Variants in PDK1 observed in about 807,000 individuals in gnomAD.
The protein encoded by PDK1 is pyruvate dehydrogenase kinase 1.
A neutral mutation model predicts 54.2 loss-of-function variants in PDK1; 39 were observed. The ratio of observed to expected loss-of-function variants is 0.72; its 90% CI spans 0.56 to 0.94. The LOEUF (loss-of-function observed/expected upper bound fraction) is 0.94. PDK1 is among the 40% of genes least tolerant of loss of function. The pLI is 0.00. For synonymous variants in PDK1, 221 were observed against 207.1 expected (o/e 1.07, Z -0.58); for missense variants, 552 against 566.0 (o/e 0.98, Z 0.25).
chr2:172,623,109 C>T, the PDK1 span, among the ~76,000 whole-genome samples: 1 of 151,246 alleles, frequency 6.6e-6, no homozygotes, highest in African/African-American at 2.4e-5. Flanking sequence ...GAGATCATGC[C>T]ACTGCACTCC....
Position 172,556,189 on chromosome 2 carries a change from C to CCG in PDK1, c.39_40insCG (p.Gly14ArgfsTer47). ...GGCTGCTTCGCGGAGCCGCCTTGGCCGGCCCGGGCCCGGGGCTGCGCGCCG... is the reference window on the plus strand; with the variant it reads ...GGCTGCTTCGCGGAGCCGCCTTGGCCCGGGCCCGGGCCCGGGGCTGCGCGCCG... On this transcript the variant is annotated frameshift_variant, in exon 1 of 11. Transcript: ENST00000282077. LOFTEE classifies it high-confidence loss of function. The CCG allele has an allele frequency of 7.0e-7, 1 of 1,418,784 alleles. No individual in the cohort carries two copies. The highest frequency in any genetic ancestry group is 9.1e-7 in the Non-Finnish European group (1 of 1,093,404). The allele number at this position is 1,418,784 out of a possible 1,614,324, so 87.9% of individuals were successfully genotyped here.
the PDK1 span, among the ~76,000 whole-genome samples, chr2:172,681,489 G>A: frequency 6.6e-6 from 1 of 152,162 alleles, no homozygotes; most frequent in South Asian, 2.1e-4. Context: ...CAGCACCTAC[G>A]TGCATTGAGT....
At chr2:172,569,345 C>T (rs978552756) in intron 7 of PDK1, among the ~76,000 whole-genome samples, 1 of 152,092 alleles carries the variant, frequency 6.6e-6, no homozygotes, top group Admixed American at 6.5e-5. Flanking sequence ...TACAGGGTTT[C>T]TGCTGTAATC....
At chr2:172,693,177 C>T in the PDK1 span, among the ~76,000 whole-genome samples, 1 of 152,254 alleles carries the variant, frequency 6.6e-6, no homozygotes, top group African/African-American at 2.4e-5. Context: ...TCTGACACAT[C>T]ACTGTGGTGA....
chr2:172,697,575 T>C, the PDK1 span, among the ~76,000 whole-genome samples: 1 of 152,170 alleles, frequency 6.6e-6, no homozygotes, highest in Non-Finnish European at 1.5e-5. Context: ...TCAGAATGTC[T>C]CCAGTTAAAA....
chr2:172,611,892 C>T (rs1337659084), downstream of PDK1, among the ~76,000 whole-genome samples: 1 of 152,230 alleles, frequency 6.6e-6, no homozygotes, highest in East Asian at 1.9e-4. Context: ...GTGCTGACTG[C>T]CCTCAGGCAC....
Position 172,564,988 on chromosome 2 carries a change from T to G in PDK1, c.606T>G (p.Phe202Leu). The G allele has an allele frequency of 6.2e-7, 1 of 1,611,326 alleles. No homozygotes were observed. Among genetic ancestry groups the G allele is most frequent in the Admixed American group, 1.7e-5 (1 of 60,010 alleles). The change falls in exon 5 of 11, where the codon TTT becomes TTG. Residue 202 changes from phenylalanine to leucine, a missense_variant. By Grantham distance (22) the Phe-to-Leu change is conservative. Transcript: ENST00000282077. ...TTCCTTTTTGGATAGCTTTATTGTT[T>G]GGTGGAAAAGGCAAAGGAAGTCCAT... ...RMLLNQHSLLFGGKGKGSPSH... is the reference protein window; with the variant it reads ...RMLLNQHSLLLGGKGKGSPSH...
the PDK1 span, among the ~76,000 whole-genome samples, chr2:172,720,343 G>A: frequency 6.6e-6 from 1 of 152,078 alleles, no homozygotes; most frequent in African/African-American, 2.4e-5. Flanking sequence ...TTGAATTCCC[G>A]ACTTCAAGTA....
the PDK1 span, among the ~76,000 whole-genome samples, chr2:172,715,651 C>A: frequency 6.6e-6 from 1 of 152,110 alleles, no homozygotes; most frequent in Non-Finnish European, 1.5e-5. Flanking sequence ...GCCGGTGGGA[C>A]ACAGGCAAAG....
chr2:172,659,711 A>C, the PDK1 span, among the ~76,000 whole-genome samples: 1 of 152,232 alleles, frequency 6.6e-6, no homozygotes, highest in Non-Finnish European at 1.5e-5. Context: ...CCTCAACATG[A>C]ATACAATTCT....
the PDK1 span, among the ~76,000 whole-genome samples, chr2:172,720,324 A>T: frequency 6.6e-6 from 1 of 152,084 alleles, no homozygotes; most frequent in Non-Finnish European, 1.5e-5. Flanking sequence ...CGTGTTGGCC[A>T]GGCTAGTCTT....
intron 3 of PDK1, chr2:172,564,010 G>A (rs1307877339): frequency 2.1e-6 from 1 of 471,128 alleles, no homozygotes; most frequent in South Asian, 1.5e-5. Context: ...ATTCTTTTCT[G>A]TTTTTCTGTC....
chr2:172,714,926 A>G, the PDK1 span, among the ~76,000 whole-genome samples: 3 of 152,236 alleles, frequency 2.0e-5, no homozygotes, highest in African/African-American at 7.2e-5. Context: ...ATAAGAGCAA[A>G]CAGAAAATGC....
the PDK1 span, among the ~76,000 whole-genome samples, chr2:172,686,215 G>T: frequency 1.2e-4 from 19 of 152,156 alleles, no homozygotes; most frequent in African/African-American, 4.6e-4. Context: ...CAGCACCTGT[G>T]GCAGCCATAG....
the PDK1 span, among the ~76,000 whole-genome samples, chr2:172,685,375 A>G: frequency 1.3e-5 from 2 of 152,174 alleles, no homozygotes; most frequent in Non-Finnish European, 2.9e-5. Context: ...CTCCTGGATT[A>G]AAATCCTGAG....
the PDK1 span, among the ~76,000 whole-genome samples, chr2:172,664,354 G>A: frequency 1.7e-5 from 2 of 119,794 alleles, no homozygotes; most frequent in Non-Finnish European, 3.3e-5. Context: ...TGCTTTATAT[G>A]TTGGTTTTGA....
intron 2 of PDK1, among the ~76,000 whole-genome samples, chr2:172,559,641 G>T (rs1574460643): frequency 6.6e-6 from 1 of 152,094 alleles, no homozygotes; most frequent in East Asian, 1.9e-4. Context: ...TCTGCCTCCT[G>T]GGTTCAAGTG....
chr2:172,595,129 T>C (rs910136959), intron 10 of PDK1, among the ~76,000 whole-genome samples: 1 of 152,186 alleles, frequency 6.6e-6, no homozygotes, highest in African/African-American at 2.4e-5. Context: ...AGTGCAGTGG[T>C]ACAATCATAA....
At chr2:172,619,925 G>A in the PDK1 span, among the ~76,000 whole-genome samples, 1 of 152,220 alleles carries the variant, frequency 6.6e-6, no homozygotes, top group African/African-American at 2.4e-5. Flanking sequence ...AGCACTTTGG[G>A]AGGCCCAGGT....
Sources: gnomAD v4.1 joint callset for allele counts (sites outside exome capture counted in the v4.1 genomes callset) on GRCh38, gnomAD v4.1.1 for gene constraint, MANE v1.5 for transcripts, NCBI Gene and HGNC (gene_info 2026-07-23, HGNC 2026-07-21) for gene names.